TMEM268: variants seen among roughly 807,000 people sequenced by gnomAD.
TMEM268 encodes the protein transmembrane protein C9orf91.
TMEM268 carries 24 observed loss-of-function variants against 39.1 expected under a neutral mutation model. The observed-to-expected ratio is 0.61, with a 90% CI of 0.44 to 0.86. The LOEUF (loss-of-function observed/expected upper bound fraction) is 0.86, where lower values mean the gene tolerates loss of function less well. TMEM268 is among the 40% of genes least tolerant of loss of function. The pLI, the probability that TMEM268 is intolerant of heterozygous loss-of-function variation, is 0.00. For missense variants in TMEM268, 409 were observed against 428.6 expected, an observed-to-expected ratio of 0.95 and a Z score of 0.40; for synonymous variants, 176 against 173.5, an observed-to-expected ratio of 1.01 and a Z score of -0.12.
chr9:114,642,781 A>G (rs1377907658), intron 8 of TMEM268, among the ~76,000 whole-genome samples: 2 of 152,124 alleles, frequency 1.3e-5, no homozygotes, highest in Non-Finnish European at 2.9e-5. Flanking sequence ...ATGCCTGGCC[A>G]GCTAGGCTTA....
intron 2 of TMEM268, among the ~76,000 whole-genome samples, chr9:114,622,841 A>T (rs1845997586): frequency 6.6e-6 from 1 of 152,164 alleles, no homozygotes; most frequent in Non-Finnish European, 1.5e-5. Context: ...CTGTAATCCC[A>T]GTACTTTGGG....
At chr9:114,611,040 G>A (rs1306791354), upstream of TMEM268, among the ~76,000 whole-genome samples, 1 of 152,312 alleles carries the variant, frequency 6.6e-6, no homozygotes, top group East Asian at 1.9e-4. Context: ...GGGCAACACA[G>A]CGAAACCCCC....
At chr9:114,624,298 G>T (rs1846066989) in intron 2 of TMEM268, 52 bp from the exon 3 acceptor site, 1 of 1,552,922 alleles carries the variant, frequency 6.4e-7, no homozygotes, top group Non-Finnish European at 8.7e-7. Flanking sequence ...CTCACCCCAC[G>T]AGCCTGGTAT....
intron 8 of TMEM268, 81 bp from the exon 9 acceptor site, chr9:114,643,053 A>G: frequency 1.4e-6 from 2 of 1,431,616 alleles, no homozygotes; most frequent in African/African-American, 1.4e-5. Context: ...AGAAAGCAGC[A>G]TGTCCTTCCC....
Position 114,643,423 on chromosome 9 carries a change from C to T in TMEM268, c.*110C>T, listed in dbSNP as rs746798581. On this transcript the variant is annotated 3_prime_UTR_variant, in exon 9 of 9. Transcript: ENST00000288502. Reference sequence around the variant, plus strand: ...AGGTGAGGAGAGAAGCATCTGGGGGCACTCCAAAAGGGGCCTGTGATGTCA... The same window carrying T: ...AGGTGAGGAGAGAAGCATCTGGGGGTACTCCAAAAGGGGCCTGTGATGTCA... The T allele has an allele frequency of 2.0e-4, 191 of 960,450 alleles. No homozygotes were observed. The Middle Eastern group carries it at 2.9e-3, about 15-fold the overall frequency. 59.5% of individuals were successfully genotyped at this position (960,450 alleles called of 1,614,324 possible).
intron 5 of TMEM268, among the ~76,000 whole-genome samples, chr9:114,631,291 A>AAAAAAAAAAAAAAAAAG (rs1846387055): frequency 4.7e-4 from 11 of 23,336 alleles, no homozygotes; most frequent in African/African-American, 1.1e-3. Context: ...TCAAAAAAAA[A>AAAAAAAAAAAAAAAAAG]AAAAAAAAAA....
chr9:114,643,403 A>T lies in TMEM268; in HGVS notation c.*90A>T. 2 of 1,212,098 alleles carry T rather than the reference A, an allele frequency of 1.7e-6. No individual in the cohort carries two copies. Among genetic ancestry groups the T allele is most frequent in the Non-Finnish European group, 2.4e-6 (2 of 842,402 alleles). The allele number at this position is 1,212,098 out of a possible 1,614,324, so 75.1% of individuals were successfully genotyped here. A position where few individuals can be genotyped will look rare whatever the true frequency, so the allele number is the denominator to read the frequency against. On this transcript the variant is annotated 3_prime_UTR_variant, in exon 9 of 9. Coordinates refer to ENST00000288502, the MANE Select transcript of TMEM268 (RefSeq NM_153045.4). ...GATGGCCAATGGGGAGCCCCAGGTG[A>T]GGAGAGAAGCATCTGGGGGCACTCC...
Position 114,628,221 on chromosome 9 carries a change from G to C in TMEM268, c.445G>C (p.Val149Leu). Residue 149 changes from valine to leucine, a missense_variant, in exon 5 of 9, where the codon GTG (valine) becomes CTG (leucine). Transcript: ENST00000288502. ...LAAVSLTLTLVLVFERHQKKA... is the reference protein window; with the variant it reads ...LAAVSLTLTLLLVFERHQKKA... ...CGCGGTGAGCCTGACCTTGACTCTT[G>C]TGCTGGTCTTTGAAAGACACCAGAA... 1 of 1,614,144 alleles carries C rather than the reference G, an allele frequency of 6.2e-7. No individual in the cohort carries two copies. Among genetic ancestry groups the C allele is most frequent in the Non-Finnish European group, 8.5e-7 (1 of 1,180,036 alleles).
At chr9:114,623,252 G>A (rs1207158666) in intron 2 of TMEM268, among the ~76,000 whole-genome samples, 1 of 152,056 alleles carries the variant, frequency 6.6e-6, no homozygotes, top group East Asian at 1.9e-4. Flanking sequence ...CCAGGTTCAA[G>A]CAATTCTGCC....
chr9:114,636,273 C>T (rs1846629897), intron 6 of TMEM268, among the ~76,000 whole-genome samples: 1 of 152,134 alleles, frequency 6.6e-6, no homozygotes, highest in African/African-American at 2.4e-5. Flanking sequence ...CTTCTGTCCC[C>T]ACAGGCAACC....
At chr9:114,637,437 T>C (rs933773268) in intron 7 of TMEM268, among the ~76,000 whole-genome samples, 7 of 151,730 alleles carry the variant, frequency 4.6e-5, no homozygotes, top group African/African-American at 1.7e-4. Flanking sequence ...GAATTACAGG[T>C]GCCTGCCATC....
At position 114,643,337 on chromosome 9, in the gene TMEM268, T is replaced by G. The variant is rs1413430397; in HGVS notation, c.*24T>G. ...GACCTAGGGATGAAGGTACTCATCT[T>G]CCTTCAAGACTGAGCAGTCAGGAAG... On this transcript the variant is annotated 3_prime_UTR_variant, in exon 9 of 9. Coordinates refer to ENST00000288502, the MANE Select transcript of TMEM268 (RefSeq NM_153045.4). 1.2e-6 allele frequency: 2 copies of G among 1,610,954 alleles called. No homozygotes were observed. Among genetic ancestry groups the G allele is most frequent in the Non-Finnish European group, 1.7e-6 (2 of 1,177,304 alleles).
intron 2 of TMEM268, among the ~76,000 whole-genome samples, chr9:114,618,878 G>C (rs1845836710): frequency 1.3e-5 from 2 of 152,114 alleles, no homozygotes; most frequent in African/African-American, 4.8e-5. Context: ...TGAAGGAAGG[G>C]GCTTCTGTCT....
In TMEM268 at chr9:114,627,541, T is replaced by C. The variant is rs904385438; in HGVS notation, c.324+535T>C. On this transcript the variant is annotated intron_variant, in intron 4 of 8. Transcript: ENST00000288502. ...GCGTCTGTGCTTGGAACCACTGTGA[T>C]TTGCTGCTGTTTTGTATGTATAAAT... 8.5e-5 allele frequency among the ~76,000 whole-genome samples: 13 copies of C among 152,132 alleles called. 1 individual carries two copies. Among genetic ancestry groups the C allele is most frequent in the Admixed American group, 8.5e-4 (13 of 15,262 alleles).
At chr9:114,605,687 A>G in the TMEM268 span, among the ~76,000 whole-genome samples, 1 of 152,150 alleles carries the variant, frequency 6.6e-6, no homozygotes, top group African/African-American at 2.4e-5. Context: ...TTGGGAGGCC[A>G]AGATGGGTGG....
At chr9:114,628,655 C>T (rs1483253841) in intron 5 of TMEM268, among the ~76,000 whole-genome samples, 1 of 152,168 alleles carries the variant, frequency 6.6e-6, no homozygotes, top group East Asian at 1.9e-4. Flanking sequence ...AGGTAATTTA[C>T]ATTATTCCCT....
intron 1 of TMEM268, among the ~76,000 whole-genome samples, 199 bp from the exon 2 acceptor site, chr9:114,616,919 T>C (rs1167770406): frequency 6.6e-6 from 1 of 152,060 alleles, no homozygotes; most frequent in African/African-American, 2.4e-5. Context: ...AGTTTGGGCC[T>C]TGGAAGGTTT....
chr9:114,617,320 A>T lies in TMEM268; in HGVS notation c.106+19A>T. The T allele has an allele frequency of 6.4e-7, 1 of 1,572,382 alleles. No individual in the cohort carries two copies. Among genetic ancestry groups the T allele is most frequent in the South Asian group, 1.1e-5 (1 of 89,680 alleles). Reference sequence around the variant, plus strand: ...GGGCAAGGTAAGATCATGACCTTTCATTTTCCACCTTCTTTCTACCTCATG... The same window carrying T: ...GGGCAAGGTAAGATCATGACCTTTCTTTTTCCACCTTCTTTCTACCTCATG... On this transcript the variant is annotated intron_variant, in intron 2 of 8. Transcript: ENST00000288502.
At position 114,628,174 on chromosome 9, in the gene TMEM268, G is replaced by A. The variant is rs2133655327; in HGVS notation, c.398G>A (p.Gly133Asp). ...QMFALGNHWA[G>D]MLLVTLAAVS... is the part of the protein sequence containing the mutation. Reference sequence around the variant, plus strand: ...TTTGCCTTGGGGAACCACTGGGCTGGCATGCTGCTCGTGACCCTGGCCGCG... The same window carrying A: ...TTTGCCTTGGGGAACCACTGGGCTGACATGCTGCTCGTGACCCTGGCCGCG... Residue 133 changes from glycine to aspartate, a missense_variant, in exon 5 of 9, where the codon GGC becomes GAC. Physicochemically the swap from Gly to Asp is moderately conservative, Grantham distance 94 (BLOSUM62 -1). Coordinates refer to ENST00000288502, the MANE Select transcript of TMEM268 (RefSeq NM_153045.4). The A allele has an allele frequency of 6.2e-7, 1 of 1,614,178 alleles. No homozygotes were observed. The highest frequency in any genetic ancestry group is 8.5e-7 in the Non-Finnish European group (1 of 1,180,026).
Sources: allele counts gnomAD v4.1 joint callset (sites outside exome capture counted in the v4.1 genomes callset), GRCh38; gene constraint gnomAD v4.1.1; transcripts MANE v1.5; gene names NCBI Gene and HGNC (gene_info 2026-07-23, HGNC 2026-07-21).